Variants in AFAP1 observed in about 807,000 individuals in gnomAD.
AFAP1 encodes the protein actin filament associated protein 1.
In AFAP1, 75 loss-of-function variants were observed where a neutral mutation model predicts 93.9. The ratio of observed to expected loss-of-function variants is 0.80; its 90% CI spans 0.66 to 0.97. The LOEUF is 0.97. Ranked by LOEUF, AFAP1 falls within the 50% of genes least tolerant of loss-of-function variation. The pLI, the probability that AFAP1 is intolerant of heterozygous loss-of-function variation, is 0.00. For synonymous variants in AFAP1, 517 were observed against 430.7 expected (o/e 1.20, Z -2.48); for missense variants, 1,201 against 1,050.8 (o/e 1.14, Z -1.98).
intron 1 of AFAP1, among the ~76,000 whole-genome samples, chr4:7,917,611 A>G (rs963644951): frequency 1.8e-4 from 27 of 152,214 alleles, no homozygotes; most frequent in African/African-American, 6.5e-4. Context: ...AATGAGCCTC[A>G]GAATCCAGGC....
At position 7,806,312 on chromosome 4, in the gene AFAP1, C is replaced by T. The variant is rs1226526556; in HGVS notation, c.1054+3302G>A. Among the ~76,000 whole-genome samples, 3 of 152,346 alleles carry T rather than the reference C, an allele frequency of 2.0e-5. No homozygotes were observed. In the East Asian group the frequency reaches 5.8e-4, roughly 29 times the overall value. On this transcript the variant is annotated intron_variant, in intron 9 of 17. Coordinates refer to ENST00000420658, the MANE Select transcript of AFAP1 (RefSeq NM_001134647.2). ...ATTGAGAGACTTTGGCCCAAACCCC[C>T]CTAAACCTTTCCAGCCGGCAAGCAC...
Position 7,929,168 on chromosome 4 carries a change from C to G in AFAP1, c.-3+10488G>C, listed in dbSNP as rs1720927422. 2.6e-5 allele frequency among the ~76,000 whole-genome samples: 4 copies of G among 152,194 alleles called. No homozygotes were observed. In the South Asian group the frequency reaches 6.2e-4, roughly 24 times the overall value. ...TTTGCAGATGAAATGTCTCCTGCCC[C>G]CTGTACAACAGCTTTCTTTGTCCTC... is the stretch of plus-strand genomic sequence containing the variant. On this transcript the variant is annotated intron_variant, in intron 1 of 17. Coordinates refer to ENST00000420658, the MANE Select transcript of AFAP1 (RefSeq NM_001134647.2).
intron 1 of AFAP1, among the ~76,000 whole-genome samples, chr4:7,873,595 A>C (rs1717259894): frequency 6.6e-6 from 1 of 152,076 alleles, no homozygotes; most frequent in South Asian, 2.1e-4. Context: ...TGATCCACCC[A>C]TCTGGGCCTC....
intron 9 of AFAP1, among the ~76,000 whole-genome samples, chr4:7,806,480 C>T: frequency 6.6e-6 from 1 of 152,154 alleles, no homozygotes; most frequent in East Asian, 1.9e-4. Flanking sequence ...CCTGGGAGCT[C>T]TGTCCTATGG....
At chr4:7,876,647 G>A (rs988260881) in intron 1 of AFAP1, among the ~76,000 whole-genome samples, 3 of 152,180 alleles carry the variant, frequency 2.0e-5, no homozygotes, top group East Asian at 1.9e-4. Context: ...ACCATGCTCC[G>A]AGGCTTTCCC....
chr4:7,849,993 T>C (rs1273782942), intron 4 of AFAP1, among the ~76,000 whole-genome samples: 1 of 151,948 alleles, frequency 6.6e-6, no homozygotes, highest in Non-Finnish European at 1.5e-5. Flanking sequence ...GAACACGTGG[T>C]AGGTAAAGGG....
intron 3 of AFAP1, among the ~76,000 whole-genome samples, chr4:7,860,869 C>T (rs1399966261): frequency 2.0e-5 from 3 of 152,304 alleles, no homozygotes; most frequent in East Asian, 1.9e-4. Context: ...CTCTCCTCCC[C>T]GCGCCCAAGG....
At chr4:7,849,891 C>G (rs895574164) in intron 4 of AFAP1, among the ~76,000 whole-genome samples, 5 of 152,160 alleles carry the variant, frequency 3.3e-5, no homozygotes, top group African/African-American at 1.2e-4. Context: ...CACTGACTCT[C>G]CTTCTGCATC....
At chr4:7,825,616 T>C (rs189553145) in intron 6 of AFAP1, among the ~76,000 whole-genome samples, 7 of 152,146 alleles carry the variant, frequency 4.6e-5, no homozygotes, top group Non-Finnish European at 7.4e-5. Flanking sequence ...CATGTAGCCT[T>C]CAATGCATGC....
chr4:7,847,793 C>CGGTGGGGGGGGG (rs1553845889), intron 4 of AFAP1, among the ~76,000 whole-genome samples: 1 of 101,992 alleles, frequency 9.8e-6, no homozygotes, highest in African/African-American at 3.5e-5. Flanking sequence ...CAGGGGTACT[C>CGGTGGGGGGGGG]GGGGTGGGGC....
At chr4:7,890,419 G>T (rs1380739822) in intron 1 of AFAP1, among the ~76,000 whole-genome samples, 3 of 152,170 alleles carry the variant, frequency 2.0e-5, no homozygotes, top group Non-Finnish European at 4.4e-5. Context: ...AAAACTATAA[G>T]ACGTCTCAAT....
intron 1 of AFAP1, among the ~76,000 whole-genome samples, chr4:7,876,344 C>G (rs1717504070): frequency 6.6e-6 from 1 of 152,250 alleles, no homozygotes; most frequent in Non-Finnish European, 1.5e-5. Context: ...CTGCAAGGTC[C>G]TGCACACTGC....
intron 8 of AFAP1, among the ~76,000 whole-genome samples, chr4:7,812,656 G>A (rs898201146): frequency 2.0e-5 from 3 of 152,146 alleles, no homozygotes; most frequent in Non-Finnish European, 2.9e-5. Flanking sequence ...CCAGGCACAC[G>A]CTGGCCCATG....
At chr4:7,845,347 A>AG (rs1713559162) in intron 4 of AFAP1, among the ~76,000 whole-genome samples, 1 of 152,150 alleles carries the variant, frequency 6.6e-6, no homozygotes, top group Admixed American at 6.5e-5. Context: ...ACTTGAGCCC[A>AG]GGAGTCCGAG....
chr4:7,903,098 T>C (rs1719208251), intron 1 of AFAP1, among the ~76,000 whole-genome samples: 1 of 152,220 alleles, frequency 6.6e-6, no homozygotes, highest in Non-Finnish European at 1.5e-5. Context: ...CTGCTTATGA[T>C]CCCTATTCAC....
intron 11 of AFAP1, among the ~76,000 whole-genome samples, chr4:7,787,765 G>C (rs1246127813): frequency 2.6e-5 from 4 of 152,166 alleles, no homozygotes; most frequent in South Asian, 2.1e-4. Flanking sequence ...TTCTGAAGTC[G>C]CAAGGTGCTG....
chr4:7,779,169 C>A, intron 13 of AFAP1: 2 of 351,408 alleles, frequency 5.7e-6, no homozygotes, highest in South Asian at 3.4e-5. Context: ...ACCAAGCTGG[C>A]GCAGGCAGCT....
At chr4:7,898,197 G>A (rs529469001) in intron 1 of AFAP1, among the ~76,000 whole-genome samples, 1 of 152,100 alleles carries the variant, frequency 6.6e-6, no homozygotes, top group Non-Finnish European at 1.5e-5. Context: ...ATCACCAGAG[G>A]TCAGGAGTTC....
rs114036667 is a variant in AFAP1, at chr4:7,867,429, G to C, written c.225+1193C>G. 4.9e-3 allele frequency among the ~76,000 whole-genome samples: 751 copies of C among 152,186 alleles called. 5 individuals are homozygous for C. The highest frequency in any genetic ancestry group is 0.016 in the African/African-American group (651 of 41,516). ...GCGGGAAGCAGGCGGCCTTCCTCCT[G>C]AACTGCCCCTGCAGCCTACAGCCAC... On this transcript the variant is annotated intron_variant, in intron 3 of 17. Coordinates refer to ENST00000420658, the MANE Select transcript of AFAP1 (RefSeq NM_001134647.2).
Sources: allele counts gnomAD v4.1 joint callset (sites outside exome capture counted in the v4.1 genomes callset), GRCh38; gene constraint gnomAD v4.1.1; transcripts MANE v1.5; gene names NCBI Gene and HGNC (gene_info 2026-07-23, HGNC 2026-07-21).